TTC6: variants seen among roughly 807,000 people sequenced by gnomAD.
The protein encoded by TTC6 is tetratricopeptide repeat protein 6.
A neutral mutation model predicts 210.4 loss-of-function variants in TTC6; 172 were observed. The ratio of observed to expected loss-of-function variants is 0.82; its 90% CI spans 0.72 to 0.93. The LOEUF (loss-of-function observed/expected upper bound fraction) is 0.93, where lower values mean the gene tolerates loss of function less well. Among genes scored for constraint, TTC6 ranks in the 40% least tolerant of loss-of-function variants. The pLI is 0.00. For missense variants in TTC6, 2,414 were observed against 2,318.1 expected, an observed-to-expected ratio of 1.04 and a Z score of -0.85; for synonymous variants, 804 against 819.6, an observed-to-expected ratio of 0.98 and a Z score of 0.32.
At chr14:37,806,108 C>A (rs1454918350) in intron 21 of TTC6, among the ~76,000 whole-genome samples, 1 of 151,982 alleles carries the variant, frequency 6.6e-6, no homozygotes. Context: ...AAAATTATAC[C>A]ACCTGAAATA....
At chr14:37,789,203 A>G (rs1009814425) in intron 15 of TTC6, among the ~76,000 whole-genome samples, 17 of 152,176 alleles carry the variant, frequency 1.1e-4, no homozygotes, top group African/African-American at 4.1e-4. Flanking sequence ...GTGCTGTTTA[A>G]AGTGCCAAAT....
rs1418398654 is a variant in TTC6, at chr14:37,753,219, C to A, written c.3250C>A (p.Gln1084Lys). 1.4e-5 allele frequency: 21 copies of A among 1,529,428 alleles called. No individual in the cohort carries two copies. The South Asian group carries it at 1.5e-4, about 11-fold the overall frequency. The allele number at this position is 1,529,428 out of a possible 1,614,324, so 94.7% of individuals were successfully genotyped here. The change falls in exon 14 of 31, where the codon CAA becomes AAA. Residue 1084 changes from glutamine to lysine, a missense_variant. By Grantham distance (53) the Gln-to-Lys change is moderately conservative (BLOSUM62 1). Coordinates refer to ENST00000553443, the Ensembl canonical transcript of TTC6. ...TACAGCCTTGTTAAATATAGATCAC[C>A]AAAATTCTCAAGCAAGGTAAGAATG...
At chr14:37,716,751 T>C (rs1487636746) in intron 6 of TTC6, among the ~76,000 whole-genome samples, 1 of 152,090 alleles carries the variant, frequency 6.6e-6, no homozygotes, top group Non-Finnish European at 1.5e-5. Context: ...TCAGCATTTC[T>C]CTCTCAAAAA....
At chr14:37,680,171 A>G in exon 2 of TTC6, 3 of 1,529,456 alleles carry the variant, frequency 2.0e-6, no homozygotes, top group Non-Finnish European at 2.6e-6. Context: ...TAATGGGAAA[A>G]ATGTACCTCA....
chr14:37,613,451 C>T (rs892577756), intron 2 of TTC6, among the ~76,000 whole-genome samples: 6 of 151,856 alleles, frequency 4.0e-5, no homozygotes, highest in African/African-American at 1.4e-4. Context: ...ATGTAATTTT[C>T]TTTCTTTAAA....
chr14:37,727,122 C>T lies in TTC6; in HGVS notation c.1818+2120C>T, dbSNP rs183759513. ...ACATAATTCCCTGGCTATTAGATAT[C>T]GTGGCCAGTCAACCAGAAAAACACA... On this transcript the variant is annotated intron_variant, in intron 7 of 30. Transcript: ENST00000553443. 2.7e-4 allele frequency among the ~76,000 whole-genome samples: 41 copies of T among 151,568 alleles called. No homozygotes were observed. In the East Asian group the frequency reaches 3.9e-3, roughly 14 times the overall value.
At chr14:37,646,057 T>G (rs2095701082) in intron 1 of TTC6, among the ~76,000 whole-genome samples, 1 of 152,114 alleles carries the variant, frequency 6.6e-6, no homozygotes. Context: ...GTGAATCTCT[T>G]TGGGTGGGAA....
chr14:37,840,886 T>G (rs1266266654), intron 29 of TTC6, among the ~76,000 whole-genome samples: 1 of 116,620 alleles, frequency 8.6e-6, no homozygotes, highest in East Asian at 2.6e-4. Context: ...TTTTTTTTTT[T>G]GAGATGGAGT....
chr14:37,728,693 A>G (rs979867827), intron 7 of TTC6, among the ~76,000 whole-genome samples: 3 of 152,010 alleles, frequency 2.0e-5, no homozygotes, highest in African/African-American at 7.2e-5. Flanking sequence ...TGGTCCTACT[A>G]TTATTATTTT....
chr14:37,787,925 T>TG (rs2096071744), intron 15 of TTC6, among the ~76,000 whole-genome samples: 1 of 118,972 alleles, frequency 8.4e-6, no homozygotes, highest in African/African-American at 3.1e-5. Context: ...GTGTGTGTGT[T>TG]AACTGTGGCA....
chr14:37,801,329 T>C (rs893922026), intron 20 of TTC6, among the ~76,000 whole-genome samples: 4 of 152,140 alleles, frequency 2.6e-5, no homozygotes, highest in African/African-American at 9.7e-5. Context: ...AGCTGAGACT[T>C]TGGGGGACCT....
At chr14:37,725,976 A>G (rs2095872286) in intron 7 of TTC6, among the ~76,000 whole-genome samples, 1 of 152,188 alleles carries the variant, frequency 6.6e-6, no homozygotes, top group South Asian at 2.1e-4. Context: ...GAGAAATAAA[A>G]CAAAATAACC....
chr14:37,721,918 A>G lies in TTC6; in HGVS notation c.1714-2980A>G, dbSNP rs866012942. ...CACATATATACACATGTATATATGT[A>G]TATATATATACATATATATATATTT... On this transcript the variant is annotated intron_variant, in intron 6 of 30. Coordinates refer to ENST00000553443, the Ensembl canonical transcript of TTC6. Among the ~76,000 whole-genome samples, 12 of 145,854 alleles carry G rather than the reference A, an allele frequency of 8.2e-5. No individual in the cohort carries two copies. The South Asian group carries it at 2.2e-3, about 26-fold the overall frequency.
At chr14:37,607,614 A>G (rs1430928979) in intron 2 of TTC6, among the ~76,000 whole-genome samples, 1 of 150,922 alleles carries the variant, frequency 6.6e-6, no homozygotes, top group Admixed American at 6.6e-5. Flanking sequence ...GCAAGTATTT[A>G]GTCTTTTTTT....
chr14:37,748,514 G>A (rs1162099832), intron 10 of TTC6, among the ~76,000 whole-genome samples: 4 of 152,184 alleles, frequency 2.6e-5, no homozygotes, highest in African/African-American at 7.2e-5. Flanking sequence ...ATGTTCAGTT[G>A]ATAGTCTGGG....
At chr14:37,629,950 A>G (rs1050823431) in intron 1 of TTC6, among the ~76,000 whole-genome samples, 13 of 152,156 alleles carry the variant, frequency 8.5e-5, no homozygotes, top group African/African-American at 3.1e-4. Context: ...CATCCCAGGG[A>G]TGAAGCCGAC....
intron 15 of TTC6, among the ~76,000 whole-genome samples, chr14:37,789,260 T>A (rs534542179): frequency 4.6e-5 from 7 of 152,240 alleles, no homozygotes; most frequent in African/African-American, 1.7e-4. Flanking sequence ...TCGGTACTAT[T>A]TTCATTCACA....
At chr14:37,622,307 C>G (rs1323023034) in exon 1 of TTC6, 2 of 1,533,956 alleles carry the variant, frequency 1.3e-6, no homozygotes, top group Non-Finnish European at 1.7e-6. Context: ...CGCTTAAAGG[C>G]CCTGCGATGT....
intron 4 of TTC6, among the ~76,000 whole-genome samples, chr14:37,700,750 C>CAAAAAAAA (rs35091344): frequency 9.6e-5 from 6 of 62,272 alleles, no homozygotes; most frequent in South Asian, 8.4e-4. Context: ...CTCCATCTCA[C>CAAAAAAAA]AAAAAAAAAA....
Sources: allele counts gnomAD v4.1 joint callset (sites outside exome capture counted in the v4.1 genomes callset), GRCh38; gene constraint gnomAD v4.1.1; transcripts MANE v1.5; gene names NCBI Gene and HGNC (gene_info 2026-07-23, HGNC 2026-07-21).